The following GNG7 variants were observed in gnomAD, a reference collection of about 807,000 sequenced individuals.
GNG7 encodes the protein guanine nucleotide-binding protein G(I)/G(S)/G(O) subunit gamma-7.
GNG7 carries 1 observed loss-of-function variant against 4.0 expected under a neutral mutation model. The ratio of observed to expected loss-of-function variants is 0.25; its 90% confidence interval spans 0.09 to 1.18. GNG7 has a LOEUF of 1.18. Among genes scored for constraint, GNG7 ranks in the 50% most tolerant of loss-of-function variants. The pLI is 0.50. For synonymous variants in GNG7, 34 were observed against 36.9 expected (o/e 0.92, Z 0.29); for missense variants, 86 against 91.9 (o/e 0.94, Z 0.26).
At chr19:2,558,861 C>T (rs113872716) in intron 2 of GNG7, among the ~76,000 whole-genome samples, 12,970 of 150,920 alleles carry the variant, frequency 0.086, 799 homozygotes, top group African/African-American at 0.16. Flanking sequence ...TGCAATGGCG[C>T]GATCTCTGCT....
chr19:2,579,308 G>T (rs76314813), intron 2 of GNG7, among the ~76,000 whole-genome samples: 7,458 of 152,314 alleles, frequency 0.049, 387 homozygotes, highest in African/African-American at 0.13. Flanking sequence ...GCTGGCTCCC[G>T]TCCGGGTCTC....
chr19:2,551,589 G>GTAATTATAAATATATAAA (rs1421883737), intron 3 of GNG7, among the ~76,000 whole-genome samples: 1 of 145,756 alleles, frequency 6.9e-6, no homozygotes, highest in Non-Finnish European at 1.5e-5. Context: ...ATATAAATAT[G>GTAATTATAAATATATAAA]CATTTATAAA....
intron 1 of GNG7, among the ~76,000 whole-genome samples, chr19:2,682,613 A>ACCAC (rs1983766985): frequency 7.1e-6 from 1 of 140,290 alleles, no homozygotes; most frequent in Non-Finnish European, 1.5e-5. Context: ...CAGAGATCAC[A>ACCAC]CCACTGCACT....
At chr19:2,648,027 CAAAAAAAA>C (rs56125421) in intron 1 of GNG7, among the ~76,000 whole-genome samples, 5 of 64,450 alleles carry the variant, frequency 7.8e-5, no homozygotes, top group South Asian at 6.9e-4. Context: ...GACCCTGTCT[CAAAAAAAA>C]AAAAAAAAAA....
intron 2 of GNG7, among the ~76,000 whole-genome samples, chr19:2,587,643 T>G (rs1980715453): frequency 6.6e-6 from 1 of 151,830 alleles, no homozygotes. Flanking sequence ...CCTCATGCAG[T>G]TCACAAAAAG....
At chr19:2,641,324 G>A (rs4077371) in intron 2 of GNG7, among the ~76,000 whole-genome samples, 1 of 152,178 alleles carries the variant, frequency 6.6e-6, no homozygotes, top group African/African-American at 2.4e-5. Flanking sequence ...CCCAGAAGCC[G>A]TGGACAGGTC....
intron 3 of GNG7, among the ~76,000 whole-genome samples, chr19:2,521,317 C>A (rs893985743): frequency 6.6e-6 from 1 of 152,018 alleles, no homozygotes; most frequent in Admixed American, 6.6e-5. Context: ...ATAGGCCAGG[C>A]CCTCTGGAGA....
chr19:2,565,886 G>T (rs960835679), intron 2 of GNG7, among the ~76,000 whole-genome samples: 1 of 152,152 alleles, frequency 6.6e-6, no homozygotes, highest in Non-Finnish European at 1.5e-5. Context: ...GGCCGGGCAC[G>T]GTGGCTCACG....
intron 2 of GNG7, among the ~76,000 whole-genome samples, chr19:2,605,754 T>A (rs1037681718): frequency 8.1e-5 from 12 of 148,786 alleles, no homozygotes; most frequent in Non-Finnish European, 1.8e-4. Flanking sequence ...CCTCGTGATC[T>A]GCCCGCCTTG....
At chr19:2,560,660 C>A (rs1979714445) in intron 2 of GNG7, among the ~76,000 whole-genome samples, 1 of 152,124 alleles carries the variant, frequency 6.6e-6, no homozygotes, top group Non-Finnish European at 1.5e-5. Context: ...ACCCTGAATT[C>A]ATTATTTGGA....
At chr19:2,678,980 T>C (rs191914050) in intron 1 of GNG7, among the ~76,000 whole-genome samples, 1 of 152,222 alleles carries the variant, frequency 6.6e-6, no homozygotes, top group East Asian at 1.9e-4. Context: ...AGAACAGACT[T>C]CATCGTTTTC....
chr19:2,566,604 C>A (rs966326962), intron 2 of GNG7, among the ~76,000 whole-genome samples: 1 of 152,174 alleles, frequency 6.6e-6, no homozygotes, highest in Non-Finnish European at 1.5e-5. Context: ...CCCTCCCACC[C>A]CCACTGCTAA....
At chr19:2,687,032 G>A (rs1169022655) in intron 1 of GNG7, among the ~76,000 whole-genome samples, 8 of 150,876 alleles carry the variant, frequency 5.3e-5, no homozygotes, top group Non-Finnish European at 1.2e-4. Flanking sequence ...GATTACAGGC[G>A]TGAGCCACCG....
Position 2,512,677 on chromosome 19 carries a change from C to T in GNG7, c.*2345G>A, listed in dbSNP as rs756614831. On this transcript the variant is annotated 3_prime_UTR_variant, in exon 5 of 5. Coordinates refer to ENST00000382159, the MANE Select transcript of GNG7 (RefSeq NM_052847.3). The surrounding 1 kb of genome is among the most constrained non-coding windows in gnomAD (Gnocchi z 4.7). ...CATTGTGAGGACACACCAGTGGGGC[C>T]GGGCTTGGCACAGCTGTGCCCCCTC... 2.9e-4 allele frequency: 48 copies of T among 166,152 alleles called. No homozygotes were observed. The highest frequency in any genetic ancestry group is 4.3e-4 in the Non-Finnish European group (35 of 80,806). 10.3% of individuals were successfully genotyped at this position (166,152 alleles called of 1,614,324 possible).
At chr19:2,605,725 C>T (rs375403820) in intron 2 of GNG7, among the ~76,000 whole-genome samples, 3 of 150,296 alleles carry the variant, frequency 2.0e-5, no homozygotes, top group Non-Finnish European at 3.0e-5. Context: ...TGTTGGCCAG[C>T]ATGGTCTCGA....
At chr19:2,576,654 C>T (rs1019291492) in intron 2 of GNG7, among the ~76,000 whole-genome samples, 20 of 152,168 alleles carry the variant, frequency 1.3e-4, no homozygotes, top group African/African-American at 7.2e-5. Context: ...TCAAGCGATC[C>T]TCCCACCTCA....
intron 2 of GNG7, among the ~76,000 whole-genome samples, chr19:2,555,888 T>A (rs1369901428): frequency 6.6e-6 from 1 of 151,340 alleles, no homozygotes; most frequent in Non-Finnish European, 1.5e-5. Context: ...CCGTCTCCAA[T>A]GCACAGTGCA....
rs1241239130 is a variant in GNG7, at chr19:2,617,462, A to G, written c.-78+28762T>C. Among the ~76,000 whole-genome samples, 2 of 152,138 alleles carry G rather than the reference A, an allele frequency of 1.3e-5. No individual in the cohort carries two copies. The highest frequency in any genetic ancestry group is 1.3e-4 in the Admixed American group (2 of 15,258). ...CACCTCAGACCAAGGACATTCTGCC[A>G]TGATGCTTCAGACTGTTCTTCTCCC... On this transcript the variant is annotated intron_variant, in intron 2 of 4. Transcript: ENST00000382159. This position sits in a 1 kb window ranked among gnomAD's most constrained non-coding sequence, Gnocchi z 4.7.
intron 2 of GNG7, among the ~76,000 whole-genome samples, chr19:2,645,764 C>T (rs1982648091): frequency 6.6e-6 from 1 of 152,068 alleles, no homozygotes; most frequent in Non-Finnish European, 1.5e-5. Flanking sequence ...TAAATGGTTT[C>T]CTCTTCCTAC....
Sources: allele counts gnomAD v4.1 joint callset (sites outside exome capture counted in the v4.1 genomes callset), GRCh38; gene constraint gnomAD v4.1.1; non-coding constraint Gnocchi (gnomAD v3.1); transcripts MANE v1.5; gene names NCBI Gene and HGNC (gene_info 2026-07-23, HGNC 2026-07-21).